The following RASSF8 variants were observed in gnomAD, a reference collection of about 807,000 sequenced individuals.
RASSF8 encodes the protein Ras association domain family member 8.
In RASSF8, 22 loss-of-function variants were observed where a neutral mutation model predicts 48.5. The observed-to-expected ratio is 0.45, with a 90% CI of 0.32 to 0.65. The LOEUF is 0.65. RASSF8 is among the 30% of genes least tolerant of loss of function. The pLI is 0.03. For synonymous variants in RASSF8, 127 were observed against 171.5 expected (o/e 0.74, Z 2.03); for missense variants, 418 against 489.2 (o/e 0.85, Z 1.37).
At chr12:26,053,556 A>G (rs7309394) in intron 2 of RASSF8, among the ~76,000 whole-genome samples, 8,230 of 152,250 alleles carry the variant, frequency 0.054, 668 homozygotes, top group East Asian at 0.29. Context: ...CCAGCCTATT[A>G]AAGTCTCAGA....
intron 1 of RASSF8, among the ~76,000 whole-genome samples, chr12:25,970,151 A>G (rs1941452097): frequency 6.6e-6 from 1 of 150,490 alleles, no homozygotes; most frequent in Non-Finnish European, 1.5e-5. Flanking sequence ...TTCTGAAAGG[A>G]GTTCACATCC....
At chr12:26,015,397 C>T (rs1207009206) in intron 2 of RASSF8, among the ~76,000 whole-genome samples, 1 of 152,080 alleles carries the variant, frequency 6.6e-6, no homozygotes, top group Admixed American at 6.6e-5. Flanking sequence ...TGCTGCTTAG[C>T]GTTTACGTTT....
At chr12:26,016,806 T>G (rs1467617977) in intron 2 of RASSF8, among the ~76,000 whole-genome samples, 4 of 152,326 alleles carry the variant, frequency 2.6e-5, no homozygotes, top group African/African-American at 9.6e-5. Context: ...GTTGTTTATT[T>G]TTGTGATTTT....
intron 1 of RASSF8, among the ~76,000 whole-genome samples, chr12:25,986,098 C>T (rs911868493): frequency 1.3e-5 from 2 of 152,078 alleles, no homozygotes; most frequent in African/African-American, 4.8e-5. Context: ...TCTCAGTGAC[C>T]CTGTAGCAGA....
At chr12:25,959,475 G>A (rs1052001098) in intron 1 of RASSF8, 1 of 152,358 alleles carries the variant, frequency 6.6e-6, no homozygotes, top group East Asian at 1.9e-4. Context: ...GGAATTTTAT[G>A]TCTGGTTTTT....
intron 2 of RASSF8, among the ~76,000 whole-genome samples, chr12:25,998,349 CTTT>C (rs34094399): frequency 8.4e-5 from 11 of 131,036 alleles, no homozygotes; most frequent in Admixed American, 1.5e-4. Flanking sequence ...GAAGACAAAG[CTTT>C]TTTTTTTTTT....
At chr12:25,995,989 AAACTTT>A (rs973168541) in intron 2 of RASSF8, among the ~76,000 whole-genome samples, 3 of 152,194 alleles carry the variant, frequency 2.0e-5, no homozygotes, top group Non-Finnish European at 4.4e-5. Context: ...CTGAAATAAA[AAACTTT>A]AACTTCACAG....
intron 2 of RASSF8, among the ~76,000 whole-genome samples, chr12:26,054,766 T>G (rs1375649317): frequency 1.3e-5 from 2 of 152,206 alleles, no homozygotes; most frequent in Non-Finnish European, 2.9e-5. Context: ...AAATCAGGAA[T>G]GTGAGCTGAG....
At chr12:26,052,178 A>G (rs1320387210) in intron 2 of RASSF8, among the ~76,000 whole-genome samples, 2 of 152,234 alleles carry the variant, frequency 1.3e-5, no homozygotes, top group South Asian at 2.1e-4. Context: ...TGGGATTACA[A>G]ACAAATTTTT....
At chr12:25,962,263 T>C (rs1005547311) in intron 1 of RASSF8, among the ~76,000 whole-genome samples, 5 of 152,210 alleles carry the variant, frequency 3.3e-5, no homozygotes, top group Admixed American at 2.6e-4. Flanking sequence ...GCTGTTGGTC[T>C]CCCTATTTTA....
At chr12:26,032,826 T>G (rs943523996) in intron 2 of RASSF8, among the ~76,000 whole-genome samples, 1 of 152,222 alleles carries the variant, frequency 6.6e-6, no homozygotes, top group African/African-American at 2.4e-5. Context: ...AAACAGCGTA[T>G]GTACACAATT....
At chr12:26,048,167 T>C (rs1294249746) in intron 2 of RASSF8, among the ~76,000 whole-genome samples, 1 of 152,166 alleles carries the variant, frequency 6.6e-6, no homozygotes, top group Non-Finnish European at 1.5e-5. Context: ...TGAGGCAGCA[T>C]AAAATTAAAA....
intron 5 of RASSF8, among the ~76,000 whole-genome samples, chr12:26,078,753 C>T (rs978524312): frequency 6.6e-6 from 1 of 152,124 alleles, no homozygotes; most frequent in South Asian, 2.1e-4. Flanking sequence ...TTTAATGGTG[C>T]CTTCTTTTGC....
At chr12:25,963,239 G>T (rs1291046859) in intron 1 of RASSF8, among the ~76,000 whole-genome samples, 1 of 138,592 alleles carries the variant, frequency 7.2e-6, no homozygotes, top group African/African-American at 2.7e-5. Flanking sequence ...GAGAGGAGGA[G>T]TTTTTTTTAA....
At chr12:26,073,774 C>CACACAT, downstream of RASSF8, among the ~76,000 whole-genome samples, 1 of 124,018 alleles carries the variant, frequency 8.1e-6, no homozygotes, top group Non-Finnish European at 1.7e-5. Context: ...CACACACACA[C>CACACAT]ACATATATAT....
At chr12:26,035,644 T>A (rs1943130891) in intron 2 of RASSF8, among the ~76,000 whole-genome samples, 1 of 144,634 alleles carries the variant, frequency 6.9e-6, no homozygotes, top group South Asian at 2.1e-4. Flanking sequence ...TTTCACCTTT[T>A]CAGTATTTTC....
At position 26,052,794 on chromosome 12, in the gene RASSF8, C is replaced by CT. The variant is rs1342804414; in HGVS notation, c.-108-2439dup. 3 of 152,340 alleles carry CT rather than the reference C, an allele frequency of 2.0e-5. No homozygotes were observed. In the East Asian group the frequency reaches 5.8e-4, roughly 29 times the overall value. 9.4% of individuals were successfully genotyped at this position (152,340 alleles called of 1,614,324 possible). A position where few individuals can be genotyped will look rare whatever the true frequency, so the allele number is the denominator to read the frequency against. On this transcript the variant is annotated intron_variant, in intron 2 of 5. Transcript: ENST00000689635. ...CTTCCTCTCCTCCCATTTGACTACA[C>CT]TTTATTTCTTTCTCTTGCCTGATTG...
At chr12:26,051,593 G>A (rs1395402579) in intron 2 of RASSF8, among the ~76,000 whole-genome samples, 1 of 152,116 alleles carries the variant, frequency 6.6e-6, no homozygotes, top group Non-Finnish European at 1.5e-5. Context: ...TCAGAAATAA[G>A]TGCTATTCTT....
At chr12:26,052,018 G>GA (rs1943502286) in intron 2 of RASSF8, among the ~76,000 whole-genome samples, 1 of 152,182 alleles carries the variant, frequency 6.6e-6, no homozygotes, top group Non-Finnish European at 1.5e-5. Flanking sequence ...AGTAGACTGA[G>GA]AAAGGACACA....
Sources: allele counts gnomAD v4.1 joint callset (sites outside exome capture counted in the v4.1 genomes callset), GRCh38; gene constraint gnomAD v4.1.1; transcripts MANE v1.5; gene names NCBI Gene and HGNC (gene_info 2026-07-23, HGNC 2026-07-21).